AFF3: variants seen among roughly 807,000 people sequenced by gnomAD.
AFF3 encodes AF4/FMR2 family member 3.
Under a neutral mutation model 129.7 loss-of-function variants are expected in AFF3, and 32 were observed. The observed-to-expected ratio is 0.25, with a 90% CI of 0.19 to 0.33. AFF3 has a LOEUF of 0.33. Ranked by LOEUF, AFF3 falls within the 10% of genes least tolerant of loss-of-function variation. The probability of loss-of-function intolerance (pLI) is 1.00; values close to 1 mark genes in which losing one functional copy is unlikely to be tolerated. For synonymous variants in AFF3, 644 were observed against 635.4 expected, an observed-to-expected ratio of 1.01 and a Z score of -0.20; for missense variants, 1,373 against 1,592.0, an observed-to-expected ratio of 0.86 and a Z score of 2.34.
intron 24 of AFF3, 89 bp downstream of exon 24, chr2:99,554,222 G>A (rs1674698967): frequency 7.3e-7 from 1 of 1,366,358 alleles, no homozygotes; most frequent in South Asian, 1.2e-5. Flanking sequence ...AACTGTGTGA[G>A]TATCCCAGCT....
chr2:99,879,709 C>T (rs1310023079), intron 7 of AFF3, among the ~76,000 whole-genome samples: 4 of 152,198 alleles, frequency 2.6e-5, no homozygotes, highest in Non-Finnish European at 5.9e-5. Context: ...CAAACCATCA[C>T]ATCTTGCCAA....
intron 11 of AFF3, among the ~76,000 whole-genome samples, chr2:99,722,937 A>G (rs984101619): frequency 2.0e-5 from 3 of 152,144 alleles, no homozygotes; most frequent in African/African-American, 7.2e-5. Context: ...AGCTATATAA[A>G]CATAGTTCTC....
chr2:99,885,922 G>A (rs1693079516), intron 7 of AFF3, among the ~76,000 whole-genome samples: 1 of 152,192 alleles, frequency 6.6e-6, no homozygotes, highest in Non-Finnish European at 1.5e-5. Flanking sequence ...ACCCATAAGA[G>A]AGGCTTACCT....
At chr2:99,808,843 T>C (rs1686561451) in intron 8 of AFF3, among the ~76,000 whole-genome samples, 1 of 152,238 alleles carries the variant, frequency 6.6e-6, no homozygotes. Flanking sequence ...ACAGAGACTA[T>C]TAATGCTACC....
chr2:99,779,611 A>AGTG (rs1321061778), intron 8 of AFF3, among the ~76,000 whole-genome samples: 1 of 152,174 alleles, frequency 6.6e-6, no homozygotes, highest in African/African-American at 2.4e-5. Context: ...CTGGGCATTT[A>AGTG]GTGACCCCAT....
At chr2:99,618,842 T>A (rs998573891) in intron 13 of AFF3, among the ~76,000 whole-genome samples, 8 of 152,230 alleles carry the variant, frequency 5.3e-5, no homozygotes, top group Admixed American at 4.6e-4. Context: ...TCTCCTCTTT[T>A]GTTTCCATAA....
chr2:99,954,277 C>T (rs1051561482), intron 7 of AFF3, among the ~76,000 whole-genome samples: 20 of 151,776 alleles, frequency 1.3e-4, no homozygotes, highest in Middle Eastern at 3.4e-3. Flanking sequence ...ACATAGAAGG[C>T]ATTGTTTGGG....
chr2:100,063,056 G>A (rs544896519), intron 4 of AFF3, among the ~76,000 whole-genome samples: 1 of 152,096 alleles, frequency 6.6e-6, no homozygotes, highest in Admixed American at 6.5e-5. Context: ...TTCAGGACCA[G>A]CCTGGCCAAC....
intron 7 of AFF3, among the ~76,000 whole-genome samples, chr2:99,873,025 A>G (rs540156906): frequency 3.0e-4 from 45 of 152,332 alleles, no homozygotes; most frequent in African/African-American, 7.9e-4. Flanking sequence ...AAGTTTGAAA[A>G]TCATAGTCTG....
intron 7 of AFF3, among the ~76,000 whole-genome samples, chr2:99,970,677 C>T (rs1678272684): frequency 6.6e-6 from 1 of 152,192 alleles, no homozygotes; most frequent in Non-Finnish European, 1.5e-5. Flanking sequence ...CTCTAACCCT[C>T]CTTCTCCTCC....
At chr2:99,778,572 G>A (rs922029036) in intron 8 of AFF3, among the ~76,000 whole-genome samples, 7 of 152,000 alleles carry the variant, frequency 4.6e-5, no homozygotes, top group Non-Finnish European at 8.8e-5. Flanking sequence ...CTATGTCATC[G>A]GTCTGCCAAT....
At position 100,128,340 on chromosome 2, in the gene AFF3, C is replaced by T. The variant is rs536142363; in HGVS notation, c.-145+884G>A. Among the ~76,000 whole-genome samples, 6 of 152,300 alleles carry T rather than the reference C, an allele frequency of 3.9e-5. No homozygotes were observed. The South Asian group carries it at 1.2e-3, about 32-fold the overall frequency. On this transcript the variant is annotated intron_variant, in intron 2 of 24. Transcript: ENST00000672756. ...TTGGAGTCTGGATCGGGACCACTTT[C>T]CTGTAACAGAGGCTCCTTTAAAACA...
intron 7 of AFF3, among the ~76,000 whole-genome samples, chr2:99,844,842 A>C (rs1166517436): frequency 6.6e-6 from 1 of 152,148 alleles, no homozygotes; most frequent in Admixed American, 6.6e-5. Context: ...TAGATTTTCC[A>C]GTGGATGTGC....
chr2:99,836,005 T>C (rs1256317310), intron 8 of AFF3, among the ~76,000 whole-genome samples: 1 of 152,218 alleles, frequency 6.6e-6, no homozygotes, highest in Admixed American at 6.5e-5. Context: ...AAATTGAATT[T>C]TGCTTTACCT....
chr2:99,558,944 G>A lies in AFF3; in HGVS notation c.3216C>T (p.Tyr1072=), dbSNP rs764833248. 11 of 1,614,174 alleles carry A rather than the reference G, an allele frequency of 6.8e-6. No homozygotes were observed. The South Asian group carries it at 1.1e-4, about 16-fold the overall frequency. The change falls in exon 22 of 25, where the codon TAC becomes TAT. Residue 1072 remains tyrosine, a synonymous_variant. Coordinates refer to ENST00000672756, the MANE Select transcript of AFF3 (RefSeq NM_001386135.1). ...CCCTTTTGAGTCGAAACATCCGCCAGTACAGGAGGGCCAGGCATCGGTAAC... is the reference window on the plus strand; with the variant it reads ...CCCTTTTGAGTCGAAACATCCGCCAATACAGGAGGGCCAGGCATCGGTAAC... ...ALCYRCLALL[Y]WRMFRLKRDH...
At chr2:99,645,223 G>A (rs1261376591) in intron 13 of AFF3, among the ~76,000 whole-genome samples, 1 of 152,130 alleles carries the variant, frequency 6.6e-6, no homozygotes, top group Non-Finnish European at 1.5e-5. Context: ...ACTGGGCAGG[G>A]CACGGGGAGA....
At chr2:99,685,517 C>T (rs902340732) in intron 11 of AFF3, among the ~76,000 whole-genome samples, 1 of 152,130 alleles carries the variant, frequency 6.6e-6, no homozygotes, top group African/African-American at 2.4e-5. Flanking sequence ...GTCAAGGCCA[C>T]TCCTTAAGAA....
At chr2:99,814,559 T>C (rs767918683) in intron 8 of AFF3, among the ~76,000 whole-genome samples, 53 of 151,992 alleles carry the variant, frequency 3.5e-4, no homozygotes, top group Non-Finnish European at 6.0e-4. Flanking sequence ...CATGAAAACA[T>C]CCCACAAGAA....
intron 10 of AFF3, among the ~76,000 whole-genome samples, chr2:99,740,785 G>A (rs1408629139): frequency 6.6e-6 from 1 of 151,668 alleles, no homozygotes; most frequent in Non-Finnish European, 1.5e-5. Flanking sequence ...TCTGATGGTA[G>A]TTTCTTTTGC....
Sources: gnomAD v4.1 joint callset for allele counts (sites outside exome capture counted in the v4.1 genomes callset) on GRCh38, gnomAD v4.1.1 for gene constraint, MANE v1.5 for transcripts, NCBI Gene and HGNC (gene_info 2026-07-23, HGNC 2026-07-21) for gene names.